Variants in PLCL1 observed in about 807,000 individuals in gnomAD.
PLCL1 encodes phospholipase C like 1 (inactive), also known as inactive phospholipase C-like protein 1.
In PLCL1, 41 loss-of-function variants were observed where a neutral mutation model predicts 84.4. That is an observed-to-expected ratio of 0.49 (90% CI 0.38 to 0.63). The LOEUF (loss-of-function observed/expected upper bound fraction) is 0.63, where lower values mean the gene tolerates loss of function less well. Among genes scored for constraint, PLCL1 ranks in the 30% least tolerant of loss-of-function variants. PLCL1 has a pLI of 0.00. For missense variants in PLCL1, 1,206 were observed against 1,367.8 expected (o/e 0.88, Z 1.87); for synonymous variants, 490 against 488.3 (o/e 1.00, Z -0.05).
chr2:197,975,878 C>T (rs1689970722), intron 1 of PLCL1, among the ~76,000 whole-genome samples: 2 of 152,076 alleles, frequency 1.3e-5, no homozygotes, highest in East Asian at 1.9e-4. Flanking sequence ...GAAGTATACA[C>T]ACCCCTACCC....
intron 3 of PLCL1, among the ~76,000 whole-genome samples, chr2:198,097,455 G>A (rs1286471736): frequency 1.3e-5 from 2 of 152,122 alleles, no homozygotes; most frequent in Non-Finnish European, 2.9e-5. Flanking sequence ...AACACTTTTG[G>A]TTAAAGGTAG....
rs553719328 is a variant in PLCL1 at position 197,911,417 on chromosome 2, G to A, written c.240+106078G>A. Among the ~76,000 whole-genome samples the A allele has an allele frequency of 1.2e-4, 18 of 151,710 alleles. No homozygotes were observed. In the East Asian group the frequency reaches 3.1e-3, roughly 26 times the overall value. The stretch of plus-strand genomic sequence containing the variant: ...AGAAAATATTTTTTTCTTGATTTTC[G>A]GATATTCCCTTTTATATTTGAGGGA... On this transcript the variant is annotated intron_variant, in intron 1 of 5. Coordinates refer to ENST00000428675, the MANE Select transcript of PLCL1 (RefSeq NM_006226.4).
Position 197,805,021 on chromosome 2 carries a change from G to A in PLCL1, c.-79G>A. 7.2e-7 allele frequency: 1 copy of A among 1,383,674 alleles called. No homozygotes were observed. The highest frequency in any genetic ancestry group is 3.2e-5 in the Admixed American group (1 of 31,102). 85.7% of individuals were successfully genotyped at this position (1,383,674 alleles called of 1,614,324 possible). On this transcript the variant is annotated 5_prime_UTR_variant, in exon 1 of 6. Transcript: ENST00000428675. The surrounding 1 kb of genome is among the most constrained non-coding windows in gnomAD (Gnocchi z 4.0). ...CTGGCGGGGCCGCCTCCCGGTGCAG[G>A]AGCGCACCGGTGCCTAGCGGCTGGA... is the stretch of plus-strand genomic sequence containing the variant.
At chr2:198,013,149 C>T (rs1690911158) in intron 1 of PLCL1, among the ~76,000 whole-genome samples, 1 of 152,024 alleles carries the variant, frequency 6.6e-6, no homozygotes, top group Non-Finnish European at 1.5e-5. Flanking sequence ...GTTGGCTTTG[C>T]ACTTGCCTGG....
At position 198,094,312 on chromosome 2, in the gene PLCL1, T is replaced by C. The variant is rs188271196; in HGVS notation, c.2919+5251T>C. Among the ~76,000 whole-genome samples the C allele has an allele frequency of 1.1e-4, 16 of 152,260 alleles. 1 individual carries two copies. Among genetic ancestry groups the C allele is most frequent in the Admixed American group, 2.0e-4 (3 of 15,296 alleles). On this transcript the variant is annotated intron_variant, in intron 3 of 5. Transcript: ENST00000428675. Reference sequence around the variant, plus strand: ...TCCTGACCTCGTGATCTGCCCGCCTTGGCCTCCCAAAGTGCTGGGATTACA... The same window carrying C: ...TCCTGACCTCGTGATCTGCCCGCCTCGGCCTCCCAAAGTGCTGGGATTACA...
intron 1 of PLCL1, among the ~76,000 whole-genome samples, chr2:198,045,663 C>G (rs1691769531): frequency 6.6e-6 from 1 of 152,138 alleles, no homozygotes. Context: ...GATATGCATT[C>G]TAGAGTAATG....
chr2:198,041,403 TTTTG>T (rs1470668640), intron 1 of PLCL1, among the ~76,000 whole-genome samples: 6 of 151,812 alleles, frequency 4.0e-5, no homozygotes, highest in East Asian at 1.9e-4. Context: ...ACAGTGTTTT[TTTTG>T]TTTGTTTGTT....
At chr2:197,834,532 A>T (rs1259886190) in intron 1 of PLCL1, among the ~76,000 whole-genome samples, 1 of 152,272 alleles carries the variant, frequency 6.6e-6, no homozygotes, top group Non-Finnish European at 1.5e-5. Context: ...TATGTGGCCA[A>T]CAAACATACG....
Position 198,085,389 on chromosome 2 carries a change from A to G in PLCL1, c.1872A>G (p.Ala624=), listed in dbSNP as rs1180155914. 1.9e-6 allele frequency: 3 copies of G among 1,611,770 alleles called. No individual in the cohort carries two copies. The highest frequency in any genetic ancestry group is 2.5e-6 in the Non-Finnish European group (3 of 1,178,250). Residue 624 remains alanine, a synonymous_variant, in exon 2 of 6, where the codon GCA becomes GCG. Coordinates refer to ENST00000428675, the MANE Select transcript of PLCL1 (RefSeq NM_006226.4). This position sits in a 1 kb window ranked among gnomAD's most constrained non-coding sequence, Gnocchi z 5.3. ...GTGAAACAGAGGCCAGCCGCATTGC[A>G]AATGAGTACCCAGAGGATTTTGTTA... ...SFSETEASRI[A]NEYPEDFVNY...
Position 198,043,881 on chromosome 2 carries a change from C to CTTT in PLCL1, c.241-39861_241-39859dup, listed in dbSNP as rs397800019. Among the ~76,000 whole-genome samples, 50 of 124,840 alleles carry CTTT rather than the reference C, an allele frequency of 4.0e-4. 1 individual carries two copies. Among genetic ancestry groups the CTTT allele is most frequent in the African/African-American group, 1.2e-3 (39 of 33,368 alleles). 81.9% of individuals were successfully genotyped at this position (124,840 alleles called of 152,430 possible). On this transcript the variant is annotated intron_variant, in intron 1 of 5. Coordinates refer to ENST00000428675, the MANE Select transcript of PLCL1 (RefSeq NM_006226.4). ...TACAAGTAGAGATTTAATTCTTGTT[C>CTTT]TTTTTTTTTTTTTTTTTTAAATGAG...
Position 198,086,066 on chromosome 2 carries a change from G to T in PLCL1, c.2549G>T (p.Arg850Leu). The change falls in exon 2 of 6, where the codon CGA (arginine) becomes CTA (leucine). Residue 850 changes from arginine (R) to leucine (L), a missense_variant. Physicochemically the swap from Arg to Leu is moderately radical, Grantham distance 102 (BLOSUM62 -2). Transcript: ENST00000428675. ...TTTGTCCACATAGCAATAACTAATC[G>T]AAGTGGAGGAGGAAAGGCACAGAAG... ...TLFVHIAITNRSGGGKAQKRS... is the reference protein window; with the variant it reads ...TLFVHIAITNLSGGGKAQKRS... The T allele has an allele frequency of 3.1e-6, 5 of 1,614,012 alleles. No homozygotes were observed. Among genetic ancestry groups the T allele is most frequent in the South Asian group, 1.1e-5 (1 of 91,076 alleles).
intron 1 of PLCL1, among the ~76,000 whole-genome samples, chr2:198,076,540 A>G (rs987667854): frequency 1.3e-5 from 2 of 152,194 alleles, no homozygotes; most frequent in African/African-American, 4.8e-5. Context: ...TCATAAAATA[A>G]CTGTTCAGAT....
At chr2:197,830,993 G>A (rs1029376038) in intron 1 of PLCL1, among the ~76,000 whole-genome samples, 1 of 152,158 alleles carries the variant, frequency 6.6e-6, no homozygotes, top group African/African-American at 2.4e-5. Context: ...CACCAGGCCT[G>A]CCTTACTAGA....
chr2:198,143,641 G>T (rs1694443589), intron 5 of PLCL1, among the ~76,000 whole-genome samples: 1 of 152,102 alleles, frequency 6.6e-6, no homozygotes, highest in South Asian at 2.1e-4. Context: ...AAATGCCAGG[G>T]TGGTGGTTGT....
At chr2:198,110,474 A>G (rs752319774) in intron 5 of PLCL1, among the ~76,000 whole-genome samples, 113 of 152,050 alleles carry the variant, frequency 7.4e-4, no homozygotes, top group Non-Finnish European at 1.0e-3. Flanking sequence ...AGGAAATTAC[A>G]TGGATGTCAG....
chr2:197,997,839 C>G (rs1217317648), intron 1 of PLCL1, among the ~76,000 whole-genome samples: 1 of 152,154 alleles, frequency 6.6e-6, no homozygotes, highest in African/African-American at 2.4e-5. Flanking sequence ...AAAAGGGTCC[C>G]TTTGCCTCCC....
intron 5 of PLCL1, among the ~76,000 whole-genome samples, chr2:198,121,662 G>T (rs556394434): frequency 3.3e-5 from 5 of 151,924 alleles, no homozygotes; most frequent in African/African-American, 1.2e-4. Context: ...TCCATTGGTC[G>T]ATATGTCTGT....
chr2:197,843,361 A>T (rs1334037844), intron 1 of PLCL1, among the ~76,000 whole-genome samples: 1 of 152,218 alleles, frequency 6.6e-6, no homozygotes, highest in African/African-American at 2.4e-5. Context: ...ATTAATCACT[A>T]ATTAAAAGAA....
intron 1 of PLCL1, among the ~76,000 whole-genome samples, chr2:197,957,878 A>C (rs1689523019): frequency 6.6e-6 from 1 of 152,046 alleles, no homozygotes. Flanking sequence ...ATTTAATTTT[A>C]TCATACAAGA....
Sources: gnomAD v4.1 joint callset for allele counts (sites outside exome capture counted in the v4.1 genomes callset) on GRCh38, gnomAD v4.1.1 for gene constraint, Gnocchi (gnomAD v3.1) non-coding constraint, MANE v1.5 for transcripts, NCBI Gene and HGNC (gene_info 2026-07-23, HGNC 2026-07-21) for gene names.